Variants in INPP4B observed in about 807,000 individuals in gnomAD.
INPP4B encodes the protein inositol polyphosphate 4-phosphatase type II.
A neutral mutation model predicts 122.5 loss-of-function variants in INPP4B; 55 were observed. The observed-to-expected ratio is 0.45, with a 90% CI of 0.36 to 0.56. The LOEUF is 0.56. Among genes scored for constraint, INPP4B ranks in the 20% least tolerant of loss-of-function variants. The pLI, the probability that INPP4B is intolerant of heterozygous loss-of-function variation, is 0.00. For synonymous variants in INPP4B, 403 were observed against 388.7 expected (o/e 1.04, Z -0.43); for missense variants, 1,000 against 1,097.7 (o/e 0.91, Z 1.26).
chr4:142,053,011 G>A (rs943138774), intron 25 of INPP4B, among the ~76,000 whole-genome samples: 1 of 152,056 alleles, frequency 6.6e-6, no homozygotes, highest in Non-Finnish European at 1.5e-5. Context: ...TCAATCTCAT[G>A]ATGAATGTCT....
chr4:142,815,858 T>A (rs1419673221), intron 1 of INPP4B, among the ~76,000 whole-genome samples: 1 of 152,136 alleles, frequency 6.6e-6, no homozygotes, highest in Non-Finnish European at 1.5e-5. Context: ...TTTTCTTCCA[T>A]AGGTAGTTAT....
intron 1 of INPP4B, among the ~76,000 whole-genome samples, chr4:142,779,252 G>T (rs1774412945): frequency 6.6e-6 from 1 of 151,944 alleles, no homozygotes; most frequent in East Asian, 1.9e-4. Flanking sequence ...ATATATCTTA[G>T]ATTCATTTTT....
chr4:142,719,410 A>G lies in INPP4B; in HGVS notation c.-191+6429T>C, dbSNP rs114736485. Among the ~76,000 whole-genome samples, 1,016 of 142,306 alleles carry G rather than the reference A, an allele frequency of 7.1e-3. 15 individuals are homozygous for G. Among genetic ancestry groups the G allele is most frequent in the African/African-American group, 0.025 (963 of 38,404 alleles). The allele number at this position is 142,306 out of a possible 152,430, so 93.4% of individuals were successfully genotyped here. On this transcript the variant is annotated intron_variant, in intron 2 of 25. Transcript: ENST00000262992. ...GTGACCACGGCTCCCTGCTGCCTCA[A>G]CCTCTCGGGGGTTAGGTGATCCTCC...
intron 2 of INPP4B, among the ~76,000 whole-genome samples, chr4:142,596,308 A>G (rs1467757725): frequency 1.3e-5 from 2 of 152,236 alleles, no homozygotes; most frequent in East Asian, 1.9e-4. Context: ...AGGAAGTGAT[A>G]TTATGTGATG....
chr4:142,464,937 G>A (rs1038755391), intron 2 of INPP4B, among the ~76,000 whole-genome samples: 5 of 152,130 alleles, frequency 3.3e-5, no homozygotes, highest in Non-Finnish European at 5.9e-5. Flanking sequence ...CTTATTAACA[G>A]AACAGACTGC....
At chr4:142,834,737 A>T (rs1272005686) in intron 1 of INPP4B, among the ~76,000 whole-genome samples, 1 of 152,168 alleles carries the variant, frequency 6.6e-6, no homozygotes, top group Non-Finnish European at 1.5e-5. Context: ...ATCTACATTG[A>T]TCTCTTTTTC....
At chr4:142,428,181 TA>T (rs1808517539) in intron 5 of INPP4B, among the ~76,000 whole-genome samples, 1 of 151,276 alleles carries the variant, frequency 6.6e-6, no homozygotes, top group Admixed American at 6.6e-5. Flanking sequence ...ATTTAAAAAA[TA>T]ATAAAAATGC....
At chr4:142,339,764 AT>A (rs1039749208) in intron 7 of INPP4B, among the ~76,000 whole-genome samples, 3 of 151,404 alleles carry the variant, frequency 2.0e-5, no homozygotes, top group South Asian at 2.1e-4. Flanking sequence ...CTCCCTTACC[AT>A]TTTTTTCTCT....
chr4:142,528,088 C>G (rs147588208), intron 2 of INPP4B, among the ~76,000 whole-genome samples: 109 of 152,084 alleles, frequency 7.2e-4, no homozygotes, highest in Admixed American at 4.1e-3. Context: ...CCCTTAAACA[C>G]ACATTTTACT....
chr4:142,539,139 T>C (rs1231642738), intron 2 of INPP4B, among the ~76,000 whole-genome samples: 1 of 144,454 alleles, frequency 6.9e-6, no homozygotes, highest in East Asian at 2.5e-4. Flanking sequence ...AGCAAATTTT[T>C]TTCTTTGAGA....
intron 1 of INPP4B, among the ~76,000 whole-genome samples, chr4:142,831,449 G>A (rs1192666395): frequency 6.6e-6 from 1 of 152,166 alleles, no homozygotes; most frequent in African/African-American, 2.4e-5. Flanking sequence ...ATTGTGACTT[G>A]TCTGCTTTTG....
intron 7 of INPP4B, among the ~76,000 whole-genome samples, chr4:142,362,025 A>T (rs1306323410): frequency 6.6e-6 from 1 of 151,534 alleles, no homozygotes; most frequent in South Asian, 2.1e-4. Flanking sequence ...AAACAACCGT[A>T]ATGTATGACA....
intron 11 of INPP4B, among the ~76,000 whole-genome samples, chr4:142,258,722 G>A (rs1202899907): frequency 3.9e-5 from 6 of 152,212 alleles, no homozygotes; most frequent in African/African-American, 1.2e-4. Context: ...TGGAGAGGAC[G>A]TGGAGAAATA....
intron 1 of INPP4B, among the ~76,000 whole-genome samples, chr4:142,809,830 T>C (rs7679151): frequency 0.24 from 36,485 of 151,324 alleles, 4,622 homozygotes; most frequent in South Asian, 0.35. Context: ...TTTTCCTGTT[T>C]AAGAAAAAAA....
intron 2 of INPP4B, among the ~76,000 whole-genome samples, chr4:142,718,126 G>A (rs892122987): frequency 2.6e-5 from 4 of 152,076 alleles, no homozygotes; most frequent in African/African-American, 9.7e-5. Context: ...CTGGAAATGA[G>A]GTTGAGAAAA....
intron 3 of INPP4B, among the ~76,000 whole-genome samples, chr4:142,451,799 C>T (rs79731470): frequency 6.6e-6 from 1 of 152,122 alleles, no homozygotes; most frequent in Admixed American, 6.5e-5. Context: ...GCTGAACAAA[C>T]AGAAGCACTG....
chr4:142,504,369 G>C (rs1823745817), intron 2 of INPP4B, among the ~76,000 whole-genome samples: 1 of 151,976 alleles, frequency 6.6e-6, no homozygotes, highest in Non-Finnish European at 1.5e-5. Context: ...TGGCAGGGAT[G>C]TAGGAAAAAA....
chr4:142,284,194 T>C (rs1435989781), intron 9 of INPP4B, among the ~76,000 whole-genome samples: 1 of 152,160 alleles, frequency 6.6e-6, no homozygotes, highest in African/African-American at 2.4e-5. Flanking sequence ...CTTACTCTGG[T>C]TCTGCTATAA....
intron 7 of INPP4B, among the ~76,000 whole-genome samples, chr4:142,385,153 A>ATTTCTG (rs1795535480): frequency 1.3e-5 from 2 of 152,148 alleles, no homozygotes; most frequent in Non-Finnish European, 1.5e-5. Flanking sequence ...CTCAAATGGT[A>ATTTCTG]TTTCTGTCTT....
Sources: gnomAD v4.1 joint callset for allele counts (sites outside exome capture counted in the v4.1 genomes callset) on GRCh38, gnomAD v4.1.1 for gene constraint, MANE v1.5 for transcripts, NCBI Gene and HGNC (gene_info 2026-07-23, HGNC 2026-07-21) for gene names.